WNK1: variants seen among roughly 807,000 people sequenced by gnomAD.
The protein encoded by WNK1 is serine/threonine-protein kinase WNK1.
In WNK1, 38 loss-of-function variants were observed where a neutral mutation model predicts 222.8. The ratio of observed to expected loss-of-function variants is 0.17; its 90% CI spans 0.13 to 0.22. The LOEUF (loss-of-function observed/expected upper bound fraction) is 0.22, where lower values mean the gene tolerates loss of function less well. Ranked by LOEUF, WNK1 falls within the 10% of genes least tolerant of loss-of-function variation. The pLI is 1.00. For missense variants in WNK1, 2,348 were observed against 2,918.4 expected, an observed-to-expected ratio of 0.80 and a Z score of 4.50; for synonymous variants, 1,090 against 1,092.9, an observed-to-expected ratio of 1.00 and a Z score of 0.05.
At chr12:868,646 C>T (rs1372376992) in intron 8 of WNK1, 1 of 1,613,888 alleles carries the variant, frequency 6.2e-7, no homozygotes, top group Non-Finnish European at 8.5e-7. Flanking sequence ...TGTTCACACA[C>T]CAAGCTCCTC....
intron 1 of WNK1, among the ~76,000 whole-genome samples, chr12:807,268 GGCAACA>G (rs1468336992): frequency 1.3e-5 from 2 of 150,892 alleles, no homozygotes; most frequent in Non-Finnish European, 2.9e-5. Flanking sequence ...GACCAGCCTG[GGCAACA>G]GAGTGAGACC....
intron 4 of WNK1, among the ~76,000 whole-genome samples, chr12:845,060 T>G (rs1339086117): frequency 6.6e-6 from 1 of 150,448 alleles, no homozygotes; most frequent in African/African-American, 2.4e-5. Flanking sequence ...TACGCCCGGC[T>G]AATTTTTTGT....
chr12:860,294 C>T (rs948630297), intron 6 of WNK1, among the ~76,000 whole-genome samples: 1 of 152,184 alleles, frequency 6.6e-6, no homozygotes, highest in African/African-American at 2.4e-5. Context: ...TGATCAAATA[C>T]TAGTAGGAAG....
intron 1 of WNK1, among the ~76,000 whole-genome samples, chr12:804,508 G>A (rs1946177511): frequency 6.6e-6 from 1 of 151,672 alleles, no homozygotes; most frequent in Non-Finnish European, 1.5e-5. Flanking sequence ...GAGTAGCTGA[G>A]ATTACAGGCT....
Position 879,884 on chromosome 12 carries a change from G to A in WNK1, c.2685G>A (p.Gln895=). 6.2e-7 allele frequency: 1 copy of A among 1,614,128 alleles called. No individual in the cohort carries two copies. The highest frequency in any genetic ancestry group is 2.2e-5 in the East Asian group (1 of 44,886). Residue 895 remains glutamine (Q), a synonymous_variant, in exon 11 of 28, where the codon CAG becomes CAA. Coordinates refer to ENST00000315939, the MANE Select transcript of WNK1 (RefSeq NM_018979.4). The part of the protein sequence containing the change: ...IPGVSTVVPS[Q]LPTLLQPVTQ... Reference sequence around the variant, plus strand: ...GGGTATCAACTGTGGTTCCTAGTCAGCTTCCAACCCTTCTGCAGCCTGTGA... The same window carrying A: ...GGGTATCAACTGTGGTTCCTAGTCAACTTCCAACCCTTCTGCAGCCTGTGA...
intron 2 of WNK1, among the ~76,000 whole-genome samples, chr12:818,757 T>G (rs1445173486): frequency 6.6e-6 from 1 of 152,206 alleles, no homozygotes; most frequent in Non-Finnish European, 1.5e-5. Flanking sequence ...GTCTTTCACT[T>G]AGCATGGTGT....
At chr12:908,175 A>T in intron 27 of WNK1, 141 bp downstream of exon 27, 1 of 1,116,866 alleles carries the variant, frequency 9.0e-7, no homozygotes, top group East Asian at 2.6e-5. Context: ...AAAATCCCCC[A>T]GGTACCCTTT....
Position 894,560 on chromosome 12 carries a change from A to T in WNK1, c.5510-2A>T, listed in dbSNP as rs776181704. On this transcript the variant is annotated splice_acceptor_variant, in intron 22 of 27. Coordinates refer to ENST00000315939, the MANE Select transcript of WNK1 (RefSeq NM_018979.4). LOFTEE classifies it high-confidence loss of function. ...TTTTCCTCATCCATGTATTTGTTTCAGTTTCTCAAGTCAAAGAAGGCCCTG... is the reference window on the plus strand; with the variant it reads ...TTTTCCTCATCCATGTATTTGTTTCTGTTTCTCAAGTCAAAGAAGGCCCTG... The T allele has an allele frequency of 7.4e-6, 12 of 1,613,548 alleles. No homozygotes were observed. In the South Asian group the frequency reaches 1.3e-4, roughly 18 times the overall value.
chr12:906,217 A>G (rs1368542266), intron 26 of WNK1: 3 of 765,400 alleles, frequency 3.9e-6, no homozygotes, highest in Non-Finnish European at 4.8e-6. Context: ...ATTCTGTAAC[A>G]CGTGAGATCT....
chr12:898,287 A>G (rs1460958851), intron 25 of WNK1, among the ~76,000 whole-genome samples: 3 of 152,168 alleles, frequency 2.0e-5, no homozygotes, highest in East Asian at 3.9e-4. Context: ...GATCAAGACC[A>G]TCCTGACTAA....
chr12:758,170 T>G lies in WNK1; in HGVS notation c.759+3846T>G, dbSNP rs1256025397. ...TGCGTTATATGTTGATGAGATTGTT[T>G]CCACATCTACCTGAAAAGAGAGGTT... On this transcript the variant is annotated intron_variant, in intron 1 of 27. Transcript: ENST00000315939. Among the ~76,000 whole-genome samples, 13 of 146,658 alleles carry G rather than the reference T, an allele frequency of 8.9e-5. 1 individual carries two copies. The highest frequency in any genetic ancestry group is 4.6e-5 in the Non-Finnish European group (3 of 65,888).
intron 4 of WNK1, 151 bp from the exon 5 acceptor site, chr12:857,010 C>A: frequency 1.3e-6 from 1 of 755,382 alleles, no homozygotes; most frequent in Non-Finnish European, 2.3e-6. Context: ...CACTACCCAA[C>A]TGTGACACTG....
At chr12:883,915 C>G (rs1276981739) in intron 17 of WNK1, 84 bp downstream of exon 17, 2 of 1,560,916 alleles carry the variant, frequency 1.3e-6, no homozygotes, top group East Asian at 4.5e-5. Context: ...GTAGTCCCAG[C>G]TACTCAGGAG....
Position 881,974 on chromosome 12 carries a change from A to G in WNK1, c.3273A>G (p.Gly1091=). 1 of 1,614,202 alleles carries G rather than the reference A, an allele frequency of 6.2e-7. No homozygotes were observed. Among genetic ancestry groups the G allele is most frequent in the Non-Finnish European group, 8.5e-7 (1 of 1,180,036 alleles). Residue 1091 remains glycine, a synonymous_variant, in exon 14 of 28, where the codon GGA becomes GGG. Coordinates refer to ENST00000315939, the MANE Select transcript of WNK1 (RefSeq NM_018979.4). ...DGNENVPSSS[G]RHEGRTTKRH... ...ATGAGAACGTCCCATCTTCCAGTGG[A>G]AGGCATGAAGGAAGAACTACAAAAC...
intron 1 of WNK1, among the ~76,000 whole-genome samples, chr12:770,316 A>G (rs1942323136): frequency 6.6e-6 from 1 of 152,194 alleles, no homozygotes; most frequent in South Asian, 2.1e-4. Context: ...GGGAGGAAGC[A>G]TTTAGACCAT....
At chr12:788,508 A>C (rs1944532615) in intron 1 of WNK1, among the ~76,000 whole-genome samples, 1 of 152,256 alleles carries the variant, frequency 6.6e-6, no homozygotes, top group Non-Finnish European at 1.5e-5. Context: ...CCAGTACCGG[A>C]AATGATTGTT....
chr12:865,727 T>C (rs1242847001), intron 8 of WNK1, among the ~76,000 whole-genome samples: 7 of 152,154 alleles, frequency 4.6e-5, no homozygotes, highest in Non-Finnish European at 1.0e-4. Context: ...GCAAATTTTA[T>C]CAAACATTAC....
rs539970951 is a variant in WNK1, at chr12:805,371, T to G, written c.760-8271T>G. Among the ~76,000 whole-genome samples, 352 of 152,250 alleles carry G rather than the reference T, an allele frequency of 2.3e-3. 3 individuals carry two copies. The highest frequency in any genetic ancestry group is 1.7e-3 in the South Asian group (8 of 4,828). On this transcript the variant is annotated intron_variant, in intron 1 of 27. Transcript: ENST00000315939. Reference sequence around the variant, plus strand: ...TGAAGTGGTATCTTACTGCTAGACATGTTTTAAAGGAAAAAAGGACAGTTC... The same window carrying G: ...TGAAGTGGTATCTTACTGCTAGACAGGTTTTAAAGGAAAAAAGGACAGTTC...
chr12:835,019 T>A lies in WNK1; in HGVS notation c.1311+4859T>A, dbSNP rs138749285. Among the ~76,000 whole-genome samples, 35 of 152,328 alleles carry A rather than the reference T, an allele frequency of 2.3e-4. No homozygotes were observed. In the East Asian group the frequency reaches 6.7e-3, roughly 29 times the overall value. ...TTTTACCTATTACATACTTCTTTCT[T>A]GTGAATAACCAATAATAGGCTGGGC... On this transcript the variant is annotated intron_variant, in intron 4 of 27. Transcript: ENST00000315939.
Sources: allele counts gnomAD v4.1 joint callset (sites outside exome capture counted in the v4.1 genomes callset), GRCh38; gene constraint gnomAD v4.1.1; transcripts MANE v1.5; gene names NCBI Gene and HGNC (gene_info 2026-07-23, HGNC 2026-07-21).